SPMAP2: variants seen among roughly 807,000 people sequenced by gnomAD.
SPMAP2 encodes the protein Theg homolog.
the SPMAP2 span, among the ~76,000 whole-genome samples, chr19:365,477 C>T: frequency 6.7e-6 from 1 of 150,168 alleles, no homozygotes; most frequent in Admixed American, 6.6e-5. Flanking sequence ...AGCGTGAGCA[C>T]GCACAGAGAA....
At chr19:372,591 C>G in the SPMAP2 span, 3 of 1,596,974 alleles carry the variant, frequency 1.9e-6, no homozygotes, top group South Asian at 1.1e-5. Flanking sequence ...TTCTGCCAAA[C>G]TCTGCCTTCT....
At chr19:362,561 A>G in the SPMAP2 span, 1 of 596,792 alleles carries the variant, frequency 1.7e-6, no homozygotes, top group South Asian at 3.0e-5. Context: ...TGAGGTCAGG[A>G]GTTAGAGATC....
chr19:362,532 C>T, the SPMAP2 span: 2 of 876,982 alleles, frequency 2.3e-6, no homozygotes, highest in East Asian at 5.5e-5. Context: ...CTGTGGAAGG[C>T]TGAGGCAGGT....
the SPMAP2 span, among the ~76,000 whole-genome samples, chr19:365,869 G>A: frequency 6.6e-6 from 1 of 152,178 alleles, no homozygotes; most frequent in Non-Finnish European, 1.5e-5. Flanking sequence ...TCCTGGCCAG[G>A]AGCGGTGTCA....
At chr19:371,184 C>CG in the SPMAP2 span, 23 of 1,378,862 alleles carry the variant, frequency 1.7e-5, no homozygotes, top group Non-Finnish European at 2.0e-5. Flanking sequence ...GGGTGAGTCG[C>CG]GGGGGGCACG....
At chr19:366,900 C>T in the SPMAP2 span, among the ~76,000 whole-genome samples, 1 of 152,180 alleles carries the variant, frequency 6.6e-6, no homozygotes, top group African/African-American at 2.4e-5. Flanking sequence ...TGCTAGAAAA[C>T]CCTCTCAGAC....
the SPMAP2 span, chr19:372,655 TAG>T: frequency 9.9e-6 from 16 of 1,613,938 alleles, no homozygotes; most frequent in Non-Finnish European, 1.4e-5. Context: ...ATATTCCAGG[TAG>T]AATCTCTTGG....
chr19:364,201 G>A, the SPMAP2 span, among the ~76,000 whole-genome samples: 32 of 150,642 alleles, frequency 2.1e-4, no homozygotes, highest in East Asian at 5.9e-4. Context: ...GCCGGGCGTG[G>A]TGGCGGCTGC....
chr19:363,394 T>C, the SPMAP2 span, among the ~76,000 whole-genome samples: 5 of 151,452 alleles, frequency 3.3e-5, no homozygotes, highest in African/African-American at 1.2e-4. Context: ...GGTTTCACCA[T>C]GTTGGCCAGG....
chr19:375,297 T>C, the SPMAP2 span, among the ~76,000 whole-genome samples: 1 of 129,934 alleles, frequency 7.7e-6, no homozygotes, highest in Admixed American at 7.6e-5. Flanking sequence ...TTGGGAGGCT[T>C]TTTTTTTCCC....
chr19:372,572 A>T, the SPMAP2 span: 5 of 1,552,502 alleles, frequency 3.2e-6, no homozygotes, highest in Non-Finnish European at 4.4e-6. Context: ...TCAGGCGAGA[A>T]TAAGGCATTT....
the SPMAP2 span, among the ~76,000 whole-genome samples, chr19:362,765 T>TAA: frequency 0.076 from 4,374 of 57,430 alleles, 441 homozygotes; most frequent in African/African-American, 0.12. Flanking sequence ...GACTCCATCT[T>TAA]AAAAAAAAAA....
At chr19:363,346 C>A in the SPMAP2 span, among the ~76,000 whole-genome samples, 1 of 151,886 alleles carries the variant, frequency 6.6e-6, no homozygotes, top group African/African-American at 2.4e-5. Flanking sequence ...ACGTGCACCA[C>A]CACAGCCAGC....
chr19:371,370 GT>G, the SPMAP2 span: 114 of 263,144 alleles, frequency 4.3e-4, no homozygotes, highest in Admixed American at 1.9e-3. Context: ...GGGGGTGGGG[GT>G]GTGTGTGTGT....
chr19:364,082 C>T, the SPMAP2 span, among the ~76,000 whole-genome samples: 4 of 151,500 alleles, frequency 2.6e-5, no homozygotes, highest in South Asian at 2.1e-4. Flanking sequence ...GCCTGTAATC[C>T]CAGCACTCTG....
chr19:374,172 A>C, the SPMAP2 span: 1 of 1,502,946 alleles, frequency 6.7e-7, no homozygotes, highest in Non-Finnish European at 9.1e-7. Flanking sequence ...CACCTACCCT[A>C]AGTTTGCTGG....
At chr19:368,500 C>T in the SPMAP2 span, among the ~76,000 whole-genome samples, 4 of 152,120 alleles carry the variant, frequency 2.6e-5, no homozygotes, top group Non-Finnish European at 5.9e-5. The surrounding 1 kb of genome is among the most constrained non-coding windows in gnomAD (Gnocchi z 4.1). Flanking sequence ...GGAAGGAGGG[C>T]AGCTGCTGAA....
chr19:374,118 C>G, the SPMAP2 span: 2 of 1,463,576 alleles, frequency 1.4e-6, no homozygotes, highest in Non-Finnish European at 1.9e-6. Flanking sequence ...CCACCGTTCC[C>G]TAGCCACTCC....
At chr19:368,314 T>C in the SPMAP2 span, among the ~76,000 whole-genome samples, 1 of 152,144 alleles carries the variant, frequency 6.6e-6, no homozygotes, top group African/African-American at 2.4e-5. The surrounding 1 kb of genome is among the most constrained non-coding windows in gnomAD (Gnocchi z 4.1). Context: ...TTCCCTCCTC[T>C]CGCCTCATAC....
Sources: allele counts gnomAD v4.1 joint callset (sites outside exome capture counted in the v4.1 genomes callset), GRCh38; gene constraint gnomAD v4.1.1; non-coding constraint Gnocchi (gnomAD v3.1); transcripts MANE v1.5; gene names NCBI Gene and HGNC (gene_info 2026-07-23, HGNC 2026-07-21).